RNF112: variants seen among roughly 807,000 people sequenced by gnomAD.
RNF112 encodes ring finger protein 112.
In RNF112, 34 loss-of-function variants were observed where a neutral mutation model predicts 64.7. The observed-to-expected ratio is 0.53, with a 90% CI of 0.40 to 0.70. The LOEUF is 0.70. RNF112 is among the 30% of genes least tolerant of loss of function. The pLI, the probability that RNF112 is intolerant of heterozygous loss-of-function variation, is 0.00. For missense variants in RNF112, 734 were observed against 850.0 expected, an observed-to-expected ratio of 0.86 and a Z score of 1.70; for synonymous variants, 345 against 344.5, an observed-to-expected ratio of 1.00 and a Z score of -0.02.
In RNF112 at chr17:19,414,837, T is replaced by G. The variant is rs1317601527; in HGVS notation, c.1076T>G (p.Leu359Trp). 2 of 1,613,796 alleles carry G rather than the reference T, an allele frequency of 1.2e-6. No homozygotes were observed. Among genetic ancestry groups the G allele is most frequent in the Admixed American group, 3.3e-5 (2 of 60,022 alleles). Reference sequence around the variant, plus strand: ...GGGAAGCGAGCCCGTTGCTGCCTCTTGCCTGCCCCAGGGAGGCGGCGGATG... The same window carrying G: ...GGGAAGCGAGCCCGTTGCTGCCTCTGGCCTGCCCCAGGGAGGCGGCGGATG... The part of the protein sequence containing the change: ...LQGKRARCCL[L>W]PAPGRRRMNQ... The change falls in exon 10 of 14, where the codon TTG (leucine) becomes TGG (tryptophan). Residue 359 changes from leucine (L) to tryptophan (W), a missense_variant. By Grantham distance (61) the Leu-to-Trp change is moderately conservative. Transcript: ENST00000461366.
At position 19,413,076 on chromosome 17, in the gene RNF112, G is replaced by A. The variant is rs1818443714; in HGVS notation, c.520G>A (p.Val174Ile). The stretch of plus-strand genomic sequence containing the variant: ...GGACACCCCAGTCTGCCTCCTCGCT[G>A]TCCTGGGGGAGCAGCACTCAGGGAA... The part of the protein sequence containing the change: ...ARDTPVCLLA[V>I]LGEQHSGKSF... The change falls in exon 4 of 14, where the codon GTC becomes ATC. Residue 174 changes from valine to isoleucine, a missense_variant. Transcript: ENST00000461366. This position sits in a 1 kb window ranked among gnomAD's most constrained non-coding sequence, Gnocchi z 5.9. The A allele has an allele frequency of 6.2e-7, 1 of 1,613,332 alleles. No individual in the cohort carries two copies.
At position 19,414,817 on chromosome 17, in the gene RNF112, G is replaced by A. The variant is rs374810053; in HGVS notation, c.1056G>A (p.Lys352=). The A allele has an allele frequency of 1.3e-4, 210 of 1,613,674 alleles. No homozygotes were observed. Among genetic ancestry groups the A allele is most frequent in the Non-Finnish European group, 1.2e-4 (139 of 1,179,866 alleles). ...AGGTGCAGGAGCTGCTGCAAGGGAAGCGAGCCCGTTGCTGCCTCTTGCCTG... is the reference window on the plus strand; with the variant it reads ...AGGTGCAGGAGCTGCTGCAAGGGAAACGAGCCCGTTGCTGCCTCTTGCCTG... The part of the protein sequence containing the change: ...YPKVQELLQG[K]RARCCLLPAP... Residue 352 remains lysine (K), a synonymous_variant, in exon 10 of 14, where the codon AAG becomes AAA. Coordinates refer to ENST00000461366, the MANE Select transcript of RNF112 (RefSeq NM_007148.5).
At position 19,411,373 on chromosome 17, in the gene RNF112, C is replaced by T; in HGVS notation, c.-36C>T. ...TGGTTGAAGGTCTCGGGGCCTCCCC[C>T]TCTGCATCCGGACCCTCTCCCCATC... is the stretch of plus-strand genomic sequence containing the variant. On this transcript the variant is annotated 5_prime_UTR_variant, in exon 1 of 14. Coordinates refer to ENST00000461366, the MANE Select transcript of RNF112 (RefSeq NM_007148.5). The T allele has an allele frequency of 6.2e-7, 1 of 1,602,796 alleles. No homozygotes were observed. Among genetic ancestry groups the T allele is most frequent in the South Asian group, 1.1e-5 (1 of 89,342 alleles).
In RNF112 at chr17:19,416,174, A is replaced by G; in HGVS notation, c.1895A>G (p.Ter632=). ...GDREPLLQEE[*] is the part of the protein sequence containing the mutation. ...CGAGAGCCCCTTCTCCAGGAAGAGTAACAGCCCCAGGAGGTATTGAAGGAC... is the reference window on the plus strand; with the variant it reads ...CGAGAGCCCCTTCTCCAGGAAGAGTGACAGCCCCAGGAGGTATTGAAGGAC... The change falls in exon 14 of 14, where the codon TAA becomes TGA. Residue 632 remains the stop codon, a stop_retained_variant. Transcript: ENST00000461366. The G allele has an allele frequency of 6.4e-7, 1 of 1,552,672 alleles. No homozygotes were observed. The highest frequency in any genetic ancestry group is 1.4e-5 in the African/African-American group (1 of 73,476).
intron 7 of RNF112, 52 bp downstream of exon 7, chr17:19,414,197 G>A (rs1038747278): frequency 3.9e-6 from 6 of 1,520,058 alleles, no homozygotes; most frequent in Non-Finnish European, 5.5e-6. Flanking sequence ...CTCCCCACTA[G>A]GGCTGGACCC....
chr17:19,412,627 C>A lies in RNF112; in HGVS notation c.225C>A (p.Asp75Glu), dbSNP rs776890408. 7 of 1,613,444 alleles carry A rather than the reference C, an allele frequency of 4.3e-6. No homozygotes were observed. Among genetic ancestry groups the A allele is most frequent in the East Asian group, 2.2e-5 (1 of 44,858 alleles). Residue 75 changes from aspartate (D) to glutamate (E), a missense_variant, in exon 3 of 14, where the codon GAC (aspartate) becomes GAA (glutamate). Physicochemically the swap from Asp to Glu is conservative, Grantham distance 45. Coordinates refer to ENST00000461366, the MANE Select transcript of RNF112 (RefSeq NM_007148.5). This position sits in a 1 kb window ranked among gnomAD's most constrained non-coding sequence, Gnocchi z 5.1. The part of the protein sequence containing the change: ...RDPISLDCGH[D>E]FCIRCFSTHR... ...CCATCTCGCTGGACTGTGGCCACGA[C>A]TTCTGCATACGGTGCTTCAGCACAC...
At chr17:19,411,728 G>A in intron 2 of RNF112, 58 bp downstream of exon 2, 1 of 1,517,966 alleles carries the variant, frequency 6.6e-7, no homozygotes, top group Non-Finnish European at 8.9e-7. Flanking sequence ...CAGGTCAGTT[G>A]AAATGGCCGG....
In RNF112 at chr17:19,412,144, T is replaced by C. The variant is rs913521182; in HGVS notation, c.96-354T>C. ...ATGAGGGGTATTGCTATCCTCTCCA[T>C]TGGGACAGTTAGGAAATTGAGGCCC... On this transcript the variant is annotated intron_variant, in intron 2 of 13. Transcript: ENST00000461366. The surrounding 1 kb of genome is among the most constrained non-coding windows in gnomAD (Gnocchi z 5.1). 1.2e-4 allele frequency among the ~76,000 whole-genome samples: 18 copies of C among 152,288 alleles called. No individual in the cohort carries two copies. The highest frequency in any genetic ancestry group is 4.1e-4 in the African/African-American group (17 of 41,582).
In RNF112 at chr17:19,416,146, G is replaced by A; in HGVS notation, c.1867G>A (p.Asp623Asn). Residue 623 changes from aspartate to asparagine, a missense_variant, in exon 14 of 14, where the codon GAC becomes AAC. By Grantham distance (23) the Asp-to-Asn change is conservative. Transcript: ENST00000461366. ...GGAGGATGAGAGGCTTCTGGAAGGG[G>A]ACCGAGAGCCCCTTCTCCAGGAAGA... is the stretch of plus-strand genomic sequence containing the variant. ...KEEDERLLEG[D>N]REPLLQEE 1 of 1,567,626 alleles carries A rather than the reference G, an allele frequency of 6.4e-7. No individual in the cohort carries two copies. The highest frequency in any genetic ancestry group is 8.6e-7 in the Non-Finnish European group (1 of 1,156,890).
At chr17:19,411,572 G>T in intron 1 of RNF112, 58 bp from the exon 2 acceptor site, 1 of 1,548,482 alleles carries the variant, frequency 6.5e-7, no homozygotes, top group Non-Finnish European at 8.7e-7. Flanking sequence ...GAAATCCAGG[G>T]TGAAGATAGA....
At position 19,416,184 on chromosome 17, in the gene RNF112, G is replaced by A. The variant is rs1185200544; in HGVS notation, c.*9G>A. 3.2e-6 allele frequency: 5 copies of A among 1,543,836 alleles called. No homozygotes were observed. Among genetic ancestry groups the A allele is most frequent in the Admixed American group, 2.0e-5 (1 of 49,526 alleles). On this transcript the variant is annotated 3_prime_UTR_variant, in exon 14 of 14. Transcript: ENST00000461366. ...TTCTCCAGGAAGAGTAACAGCCCCAGGAGGTATTGAAGGACAGGAGAGATG... is the reference window on the plus strand; with the variant it reads ...TTCTCCAGGAAGAGTAACAGCCCCAAGAGGTATTGAAGGACAGGAGAGATG...
In RNF112 at chr17:19,415,877, A is replaced by G; in HGVS notation, c.1598A>G (p.Lys533Arg). The G allele has an allele frequency of 1.9e-6, 3 of 1,613,618 alleles. No individual in the cohort carries two copies. The highest frequency in any genetic ancestry group is 1.7e-6 in the Non-Finnish European group (2 of 1,179,826). Residue 533 changes from lysine to arginine, a missense_variant, in exon 14 of 14, where the codon AAG becomes AGG. Coordinates refer to ENST00000461366, the MANE Select transcript of RNF112 (RefSeq NM_007148.5). The surrounding 1 kb of genome is among the most constrained non-coding windows in gnomAD (Gnocchi z 7.8). Reference protein sequence around the residue: ...ALEAELQATAKAFMDSYTMRF... With the variant: ...ALEAELQATARAFMDSYTMRF... ...GAAGCTGAGCTGCAGGCCACGGCCA[A>G]GGCCTTCATGGACTCCTACACGATG...
Position 19,415,417 on chromosome 17 carries a change from G to A in RNF112, c.1350+78G>A, listed in dbSNP as rs982632893. The A allele has an allele frequency of 2.9e-4, 444 of 1,541,642 alleles. 2 individuals are homozygous for A. Among genetic ancestry groups the A allele is most frequent in the Non-Finnish European group, 1.1e-4 (120 of 1,141,786 alleles). Reference sequence around the variant, plus strand: ...AGGTGGGGGCTGTGCCGAGGCCTCCGGGGTGGGGGTCTGTGTGCCCTGGGA... The same window carrying A: ...AGGTGGGGGCTGTGCCGAGGCCTCCAGGGTGGGGGTCTGTGTGCCCTGGGA... On this transcript the variant is annotated intron_variant, in intron 12 of 13. Transcript: ENST00000461366. This position sits in a 1 kb window ranked among gnomAD's most constrained non-coding sequence, Gnocchi z 7.8.
chr17:19,414,759 C>T lies in RNF112; in HGVS notation c.1009-11C>T, dbSNP rs1206945042. ...CTCCTAGCTCAGAGCACTCCTCTCGCTGCCTCACAGAGATTGTCTGGCAGA... is the reference window on the plus strand; with the variant it reads ...CTCCTAGCTCAGAGCACTCCTCTCGTTGCCTCACAGAGATTGTCTGGCAGA... On this transcript the variant is annotated splice_polypyrimidine_tract_variant and intron_variant, in intron 9 of 13. Coordinates refer to ENST00000461366, the MANE Select transcript of RNF112 (RefSeq NM_007148.5). 3 of 1,613,024 alleles carry T rather than the reference C, an allele frequency of 1.9e-6. No homozygotes were observed. The highest frequency in any genetic ancestry group is 8.5e-7 in the Non-Finnish European group (1 of 1,179,686).
Position 19,413,693 on chromosome 17 carries a change from C to A in RNF112, c.825+12C>A, listed in dbSNP as rs139264237. The stretch of plus-strand genomic sequence containing the variant: ...TGAGCTCCTACCAGGTGATGGGGGG[C>A]GCTGATGTTGGCATCCCCACCCCAC... On this transcript the variant is annotated intron_variant, in intron 6 of 13. Transcript: ENST00000461366. The surrounding 1 kb of genome is among the most constrained non-coding windows in gnomAD (Gnocchi z 5.9). 2.5e-6 allele frequency: 4 copies of A among 1,574,918 alleles called. No individual in the cohort carries two copies. The highest frequency in any genetic ancestry group is 1.8e-5 in the Admixed American group (1 of 57,080).
chr17:19,412,693 C>T lies in RNF112; in HGVS notation c.291C>T (p.Cys97=). The T allele has an allele frequency of 1.2e-6, 2 of 1,613,170 alleles. No individual in the cohort carries two copies. Among genetic ancestry groups the T allele is most frequent in the Non-Finnish European group, 1.7e-6 (2 of 1,179,744 alleles). Residue 97 remains cysteine (C), a synonymous_variant, in exon 3 of 14, where the codon TGC becomes TGT. Transcript: ENST00000461366. The surrounding 1 kb of genome is among the most constrained non-coding windows in gnomAD (Gnocchi z 5.1). ...GTGAGCCGCCCTGCTGTCCTGAGTGCCGGAAGATATGCAAGCAGAAGAGGG... is the reference window on the plus strand; with the variant it reads ...GTGAGCCGCCCTGCTGTCCTGAGTGTCGGAAGATATGCAAGCAGAAGAGGG... ...PGCEPPCCPE[C]RKICKQKRGL...
Position 19,413,422 on chromosome 17 carries a change from A to T in RNF112, c.720+11A>T, listed in dbSNP as rs375642458. 472 of 1,607,858 alleles carry T rather than the reference A, an allele frequency of 2.9e-4. No homozygotes were observed. The African/African-American group carries it at 4.9e-3, about 17-fold the overall frequency. On this transcript the variant is annotated intron_variant, in intron 5 of 13. Transcript: ENST00000461366. The surrounding 1 kb of genome is among the most constrained non-coding windows in gnomAD (Gnocchi z 5.9). The stretch of plus-strand genomic sequence containing the variant: ...AAAGAAGGGAAGAAGGTGAGGGGGG[A>T]AGTGGCAGAAGGAGGTCAGGGATGG...
Position 19,411,624 on chromosome 17 carries a change from TCCAAGGA to T in RNF112, c.55-5_56del. 6.6e-7 allele frequency: 1 copy of T among 1,515,186 alleles called. No individual in the cohort carries two copies. Among genetic ancestry groups the T allele is most frequent in the Non-Finnish European group, 8.9e-7 (1 of 1,127,166 alleles). The allele number at this position is 1,515,186 out of a possible 1,614,324, so 93.9% of individuals were successfully genotyped here. On this transcript the variant is annotated splice_acceptor_variant and splice_polypyrimidine_tract_variant and coding_sequence_variant and intron_variant, in exon 2 of 14. Transcript: ENST00000461366. LOFTEE classifies it high-confidence loss of function. ...TAAATCTTTTTTTTTTTTTTTTTTC[TCCAAGGA>T]GAGAAAACAGAGCTTCATGGGAAAC...
At position 19,414,571 on chromosome 17, in the gene RNF112, C is replaced by T; in HGVS notation, c.934-15C>T. ...CCACCCCCATTTGCTGGTGTCAGGA[C>T]CCCTTCTCTTTCAGCATCTGGACCT... On this transcript the variant is annotated splice_polypyrimidine_tract_variant and intron_variant, in intron 8 of 13. Transcript: ENST00000461366. 6.2e-7 allele frequency: 1 copy of T among 1,613,974 alleles called. No homozygotes were observed. Among genetic ancestry groups the T allele is most frequent in the Non-Finnish European group, 8.5e-7 (1 of 1,179,858 alleles).
Sources: gnomAD v4.1 joint callset for allele counts (sites outside exome capture counted in the v4.1 genomes callset) on GRCh38, gnomAD v4.1.1 for gene constraint, Gnocchi (gnomAD v3.1) non-coding constraint, MANE v1.5 for transcripts, NCBI Gene and HGNC (gene_info 2026-07-23, HGNC 2026-07-21) for gene names.